The following SETD6 variants were observed in gnomAD, a reference collection of about 807,000 sequenced individuals.
The protein encoded by SETD6 is N-lysine methyltransferase SETD6.
SETD6 carries 67 observed loss-of-function variants against 52.7 expected under a neutral mutation model. That is an observed-to-expected ratio of 1.27 (90% CI 1.04 to 1.56). The LOEUF (loss-of-function observed/expected upper bound fraction) is 1.56, where lower values mean the gene tolerates loss of function less well. Among genes scored for constraint, SETD6 ranks in the 40% most tolerant of loss-of-function variants. The pLI, the probability that SETD6 is intolerant of heterozygous loss-of-function variation, is 0.00. For synonymous variants in SETD6, 307 were observed against 250.2 expected (o/e 1.23, Z -2.14); for missense variants, 712 against 607.5 (o/e 1.17, Z -1.81).
At position 58,518,745 on chromosome 16, in the gene SETD6, G is replaced by A; in HGVS notation, c.1138G>A (p.Glu380Lys). 6.2e-7 allele frequency: 1 copy of A among 1,614,112 alleles called. No individual in the cohort carries two copies. The highest frequency in any genetic ancestry group is 1.1e-5 in the South Asian group (1 of 91,060). ...TLKVLCMPAEEFRELKDQDGG... is the reference protein window; with the variant it reads ...TLKVLCMPAEKFRELKDQDGG... The stretch of plus-strand genomic sequence containing the variant: ...CTAGGTACTGTGCATGCCTGCTGAG[G>A]AGTTCAGAGAGCTTAAAGACCAGGA... The change falls in exon 8 of 8, where the codon GAG (glutamate) becomes AAG (lysine). Residue 380 changes from glutamate (E) to lysine (K), a missense_variant. Physicochemically the swap from Glu to Lys is moderately conservative, Grantham distance 56 (BLOSUM62 1). Transcript: ENST00000219315.
Position 58,518,725 on chromosome 16 carries a change from T to C in SETD6, c.1118T>C (p.Val373Ala), listed in dbSNP as rs1031610857. 2 of 1,613,572 alleles carry C rather than the reference T, an allele frequency of 1.2e-6. No individual in the cohort carries two copies. The highest frequency in any genetic ancestry group is 3.3e-5 in the Admixed American group (2 of 59,952). Residue 373 changes from valine to alanine, a missense_variant and splice_region_variant, in exon 8 of 8, where the codon GTA becomes GCA. Transcript: ENST00000219315. Reference protein sequence around the residue: ...TEEELTTTLKVLCMPAEEFRE... With the variant: ...TEEELTTTLKALCMPAEEFRE... ...AAAGAGCTCTGTGGTTGCTTCTAGG[T>C]ACTGTGCATGCCTGCTGAGGAGTTC... is the stretch of plus-strand genomic sequence containing the variant.
rs763911993 is a variant in SETD6 at position 58,516,529 on chromosome 16, C to T, written c.528C>T (p.Ala176=). ...TCCAGGGCACAGGCGTACCTGAGGC[C>T]GTGGAGAAGGATTTGGCCAACATCC... ...CLLQGTGVPE[A]VEKDLANIRS... is the part of the protein sequence containing the mutation. The change falls in exon 4 of 8, where the codon GCC becomes GCT. Residue 176 remains alanine (A), a synonymous_variant. Coordinates refer to ENST00000219315, the MANE Select transcript of SETD6 (RefSeq NM_001160305.4). The T allele has an allele frequency of 1.1e-5, 17 of 1,614,086 alleles. No homozygotes were observed. In the South Asian group the frequency reaches 1.6e-4, roughly 16 times the overall value.
Position 58,515,556 on chromosome 16 carries a change from C to G in SETD6, c.19C>G (p.Arg7Gly). MATQAK[R>G]PRVAGPVDGG... ...TTAGACCATGGCGACCCAGGCGAAG[C>G]GTCCACGGGTGAGTGGCGGGCGCGG... The change falls in exon 1 of 8, where the codon CGT (arginine) becomes GGT (glycine). Residue 7 changes from arginine to glycine, a missense_variant. Transcript: ENST00000219315. 4 of 1,586,600 alleles carry G rather than the reference C, an allele frequency of 2.5e-6. No homozygotes were observed. The highest frequency in any genetic ancestry group is 3.4e-6 in the Non-Finnish European group (4 of 1,170,708).
Position 58,516,045 on chromosome 16 carries a change from G to C in SETD6, c.282G>C (p.Arg94=). Residue 94 remains arginine (R), a synonymous_variant, in exon 2 of 8, where the codon CGG becomes CGC. Coordinates refer to ENST00000219315, the MANE Select transcript of SETD6 (RefSeq NM_001160305.4). Reference sequence around the variant, plus strand: ...GAGAGCTGTTGTTCGTGGTGCCGCGGGCCGCGCTCCTGTCGCAGCACACCT... The same window carrying C: ...GAGAGCTGTTGTTCGTGGTGCCGCGCGCCGCGCTCCTGTCGCAGCACACCT... ...QAGELLFVVP[R]AALLSQHTCS... is the part of the protein sequence containing the mutation. 1 of 1,516,252 alleles carries C rather than the reference G, an allele frequency of 6.6e-7. No homozygotes were observed. Among genetic ancestry groups the C allele is most frequent in the Non-Finnish European group, 8.7e-7 (1 of 1,143,666 alleles). The allele number at this position is 1,516,252 out of a possible 1,614,324, so 93.9% of individuals were successfully genotyped here.
rs1597374160 is a variant in SETD6 at position 58,515,868 on chromosome 16, G to C, written c.105G>C (p.Glu35Asp). 3 of 1,526,628 alleles carry C rather than the reference G, an allele frequency of 2.0e-6. No homozygotes were observed. The highest frequency in any genetic ancestry group is 2.9e-5 in the African/African-American group (2 of 69,846). 94.6% of individuals were successfully genotyped at this position (1,526,628 alleles called of 1,614,324 possible). The change falls in exon 2 of 8, where the codon GAG (glutamate) becomes GAC (aspartate). Residue 35 changes from glutamate to aspartate, a missense_variant. Glu to Asp is a conservative substitution (Grantham distance 45). Coordinates refer to ENST00000219315, the MANE Select transcript of SETD6 (RefSeq NM_001160305.4). ...FLSWCRRVGL[E>D]LSPKVSERAG... ...GCTGGTGCCGGCGGGTGGGGCTGGA[G>C]CTGAGTCCCAAGGTGAGCGAGCGAG...
Position 58,517,354 on chromosome 16 carries a change from C to T in SETD6, c.792+426C>T, listed in dbSNP as rs2039202634. 12 of 200,782 alleles carry T rather than the reference C, an allele frequency of 6.0e-5. No individual in the cohort carries two copies. The South Asian group carries it at 1.1e-3, about 19-fold the overall frequency. 12.4% of individuals were successfully genotyped at this position (200,782 alleles called of 1,614,324 possible). ...TGATATAAAGCTGTGTTTATACCAG[C>T]TCTATTCTATATAAAAAGTAGCCTG... On this transcript the variant is annotated intron_variant, in intron 5 of 7. Transcript: ENST00000219315.
At chr16:58,516,139 C>CGGGGCGGGGCGGGGT in intron 2 of SETD6, 42 bp downstream of exon 2, 1 of 245,242 alleles carries the variant, frequency 4.1e-6, no homozygotes, top group Non-Finnish European at 5.5e-6. Context: ...CGGGGCGGGG[C>CGGGGCGGGGCGGGGT]GGGGCGGGGC....
Position 58,516,465 on chromosome 16 carries a change from G to T in SETD6, c.477-13G>T, listed in dbSNP as rs1567375259. 2.5e-6 allele frequency: 4 copies of T among 1,613,788 alleles called. No individual in the cohort carries two copies. The highest frequency in any genetic ancestry group is 3.4e-6 in the Non-Finnish European group (4 of 1,179,868). On this transcript the variant is annotated splice_polypyrimidine_tract_variant and intron_variant, in intron 3 of 7. Coordinates refer to ENST00000219315, the MANE Select transcript of SETD6 (RefSeq NM_001160305.4). Reference sequence around the variant, plus strand: ...AAGGAATGAAGGGAACCTGGGTGTGGGTGTCCCTGCAGGCCAGAGGAGGAG... The same window carrying T: ...AAGGAATGAAGGGAACCTGGGTGTGTGTGTCCCTGCAGGCCAGAGGAGGAG...
rs774159233 is a variant in SETD6, at chr16:58,516,329, G to A, written c.462G>A (p.Glu154=). 1.3e-4 allele frequency: 204 copies of A among 1,608,756 alleles called. No individual in the cohort carries two copies. Among genetic ancestry groups the A allele is most frequent in the Admixed American group, 3.7e-4 (22 of 59,990 alleles). The part of the protein sequence containing the change: ...FALWPELGRL[E]HPMFWPEEER... ...TCTGGCCCGAGCTGGGCCGCTTGGA[G>A]CACCCGATGTTCTGGTGAGAGCCTT... Residue 154 remains glutamate, a synonymous_variant, in exon 3 of 8, where the codon GAG becomes GAA. Coordinates refer to ENST00000219315, the MANE Select transcript of SETD6 (RefSeq NM_001160305.4).
In SETD6 at chr16:58,521,311, G is replaced by A. The variant is rs745628212; in HGVS notation, c.*2282G>A. ...GCCTATTTACAATCAACCGTTCCAAGAGAACTCTGGAAAAAGGGAGAAAGA... is the reference window on the plus strand; with the variant it reads ...GCCTATTTACAATCAACCGTTCCAAAAGAACTCTGGAAAAAGGGAGAAAGA... On this transcript the variant is annotated 3_prime_UTR_variant, in exon 8 of 8. Transcript: ENST00000219315. The A allele has an allele frequency of 6.2e-6, 10 of 1,603,032 alleles. No homozygotes were observed. The Admixed American group carries it at 1.1e-4, about 17-fold the overall frequency.
At position 58,520,773 on chromosome 16, in the gene SETD6, T is replaced by C. The variant is rs1466361058; in HGVS notation, c.*1744T>C. 1.7e-6 allele frequency: 1 copy of C among 605,024 alleles called. No individual in the cohort carries two copies. Among genetic ancestry groups the C allele is most frequent in the Non-Finnish European group, 2.9e-6 (1 of 348,538 alleles). 37.5% of individuals were successfully genotyped at this position (605,024 alleles called of 1,614,324 possible). On this transcript the variant is annotated 3_prime_UTR_variant, in exon 8 of 8. Coordinates refer to ENST00000219315, the MANE Select transcript of SETD6 (RefSeq NM_001160305.4). ...AAATTTTGGCCAAGAGTCAAAAAAA[T>C]GCATTTAAACTTTGGAACGTGCCCA...
intron 1 of SETD6, 100 bp from the exon 2 acceptor site, chr16:58,515,691 C>G: frequency 7.1e-7 from 1 of 1,407,438 alleles, no homozygotes. Context: ...CTCGTCCCCT[C>G]CTCCACCCAA....
chr16:58,516,249 G>A lies in SETD6; in HGVS notation c.382G>A (p.Ala128Thr). 1 of 1,599,414 alleles carries A rather than the reference G, an allele frequency of 6.3e-7. No homozygotes were observed. The highest frequency in any genetic ancestry group is 8.5e-7 in the Non-Finnish European group (1 of 1,179,558). ...SQSGWVPLLLALLHELQAPAS... is the reference protein window; with the variant it reads ...SQSGWVPLLLTLLHELQAPAS... ...GTCGGGCTGGGTGCCACTGCTGCTG[G>A]CGCTGCTCCACGAGCTGCAGGCCCC... is the stretch of plus-strand genomic sequence containing the variant. Residue 128 changes from alanine (A) to threonine (T), a missense_variant, in exon 3 of 8, where the codon GCG becomes ACG. Physicochemically the swap from Ala to Thr is moderately conservative, Grantham distance 58 (BLOSUM62 0). Coordinates refer to ENST00000219315, the MANE Select transcript of SETD6 (RefSeq NM_001160305.4).
Position 58,517,166 on chromosome 16 carries a change from TTGAG to T in SETD6, c.792+241_792+244del. 2 of 554,868 alleles carry T rather than the reference TTGAG, an allele frequency of 3.6e-6. 1 individual carries two copies. The highest frequency in any genetic ancestry group is 3.8e-5 in the South Asian group (2 of 52,730). The allele number at this position is 554,868 out of a possible 1,614,324, so 34.4% of individuals were successfully genotyped here. On this transcript the variant is annotated intron_variant, in intron 5 of 7. Transcript: ENST00000219315. ...ACCATCATTTATTTAGTGCTAGACA[TTGAG>T]TGGTCTGCATAGCCATGTTTCATTC...
rs1391495069 is a variant in SETD6 at position 58,521,476 on chromosome 16, C to T, written c.*2447C>T. Among the ~76,000 whole-genome samples the T allele has an allele frequency of 1.4e-4, 21 of 152,142 alleles. No individual in the cohort carries two copies. The highest frequency in any genetic ancestry group is 1.4e-3 in the Admixed American group (21 of 15,286). On this transcript the variant is annotated 3_prime_UTR_variant, in exon 8 of 8. Coordinates refer to ENST00000219315, the MANE Select transcript of SETD6 (RefSeq NM_001160305.4). ...GTGGATTAATATACTCCAAATAGCACAGGTTGGAATACCTGGGTTTGAACC... is the reference window on the plus strand; with the variant it reads ...GTGGATTAATATACTCCAAATAGCATAGGTTGGAATACCTGGGTTTGAACC...
Position 58,522,661 on chromosome 16 carries a change from A to G in SETD6, c.*3632A>G, listed in dbSNP as rs1030458207. 6.6e-6 allele frequency among the ~76,000 whole-genome samples: 1 copy of G among 152,206 alleles called. No homozygotes were observed. The highest frequency in any genetic ancestry group is 2.4e-5 in the African/African-American group (1 of 41,442). On this transcript the variant is annotated 3_prime_UTR_variant, in exon 8 of 8. Transcript: ENST00000219315. Reference sequence around the variant, plus strand: ...AGGAAAATGCAAGTATGATCCTGTTATTGCTACTGCTTTCAACCCAGAGGT... The same window carrying G: ...AGGAAAATGCAAGTATGATCCTGTTGTTGCTACTGCTTTCAACCCAGAGGT...
intron 5 of SETD6, chr16:58,517,768 G>A (rs192403455): frequency 0.015 from 6,620 of 451,726 alleles, 74 homozygotes; most frequent in Non-Finnish European, 0.018. Context: ...GAGCCACTGC[G>A]CCTGGCCGAA....
intron 2 of SETD6, 50 bp from the exon 3 acceptor site, chr16:58,516,152 G>GGCGGTTCGGA: frequency 8.4e-7 from 1 of 1,190,416 alleles, no homozygotes; most frequent in South Asian, 1.9e-5. Flanking sequence ...GGCGGGGCGG[G>GGCGGTTCGGA]CCCGGCCCGC....
chr16:58,518,356 AC>A (rs769232752), intron 6 of SETD6, 44 bp from the exon 7 acceptor site: 19 of 1,585,622 alleles, frequency 1.2e-5, no homozygotes, highest in South Asian at 8.1e-5. Flanking sequence ...GAAGAAATGA[AC>A]CCTTGGGTGT....
Sources: allele counts gnomAD v4.1 joint callset (sites outside exome capture counted in the v4.1 genomes callset), GRCh38; gene constraint gnomAD v4.1.1; transcripts MANE v1.5; gene names NCBI Gene and HGNC (gene_info 2026-07-23, HGNC 2026-07-21).